Variants in ARHGEF9 observed in about 807,000 individuals in gnomAD.
The protein encoded by ARHGEF9 is rho guanine nucleotide exchange factor 9.
Under a neutral mutation model 41.3 loss-of-function variants are expected in ARHGEF9, and 2 were observed. The observed-to-expected ratio is 0.05, with a 90% CI of 0.02 to 0.15. The LOEUF (loss-of-function observed/expected upper bound fraction) is 0.15, where lower values mean the gene tolerates loss of function less well. Ranked by LOEUF, ARHGEF9 falls within the 10% of genes least tolerant of loss-of-function variation. The probability of loss-of-function intolerance (pLI) is 1.00; values close to 1 mark genes in which losing one functional copy is unlikely to be tolerated. For missense variants in ARHGEF9, 225 were observed against 424.7 expected, an observed-to-expected ratio of 0.53 and a Z score of 4.13; for synonymous variants, 160 against 154.4, an observed-to-expected ratio of 1.04 and a Z score of -0.27.
intron 1 of ARHGEF9, among the ~76,000 whole-genome samples, chrX:63,738,222 A>G (rs1315557846): frequency 1.8e-5 from 2 of 111,893 alleles, no homozygotes; most frequent in Non-Finnish European, 3.8e-5. Flanking sequence ...TGTGTTGTAT[A>G]TTACCATAAA....
In ARHGEF9 at chrX:63,637,648, G is replaced by A; in HGVS notation, c.*380C>T. 4.9e-6 allele frequency: 1 copy of A among 202,301 alleles called. No individual in the cohort carries two copies. Among genetic ancestry groups the A allele is most frequent in the South Asian group, 2.4e-4 (1 of 4,160 alleles). The allele number at this position is 202,301 out of a possible 1,213,427, so 16.7% of individuals were successfully genotyped here. ...TGACAAGGCAGTGAATCACTCACAGGGGAGTAAAGAGATTATCTTAACAAG... is the reference window on the plus strand; with the variant it reads ...TGACAAGGCAGTGAATCACTCACAGAGGAGTAAAGAGATTATCTTAACAAG... On this transcript the variant is annotated 3_prime_UTR_variant, in exon 10 of 10. Coordinates refer to ENST00000671741, the MANE Select transcript of ARHGEF9 (RefSeq NM_001353921.2).
chrX:63,698,897 G>C (rs1279776728), intron 3 of ARHGEF9, among the ~76,000 whole-genome samples: 1 of 111,976 alleles, frequency 8.9e-6, no homozygotes, highest in Non-Finnish European at 1.9e-5. Flanking sequence ...TTTTGATCAG[G>C]AAGAAAATTC....
chrX:63,649,848 G>C (rs1318337816), intron 8 of ARHGEF9, among the ~76,000 whole-genome samples: 1 of 111,552 alleles, frequency 9.0e-6, no homozygotes, highest in African/African-American at 3.2e-5. Flanking sequence ...AGAAGAAATG[G>C]ACAAATTCCT....
chrX:63,639,471 C>A (rs2047488632), intron 9 of ARHGEF9: 1 of 111,720 alleles, frequency 9.0e-6, no homozygotes, highest in Non-Finnish European at 1.9e-5. Context: ...CCAATGGTAA[C>A]ATTTTGCAAA....
At chrX:63,724,393 G>T in intron 2 of ARHGEF9, 139 bp downstream of exon 2, 1 of 661,993 alleles carries the variant, frequency 1.5e-6, no homozygotes, top group Non-Finnish European at 2.3e-6. Flanking sequence ...TTCTCTGTAT[G>T]AGACAATTTT....
intron 3 of ARHGEF9, among the ~76,000 whole-genome samples, chrX:63,697,889 A>G (rs1556390540): frequency 9.0e-6 from 1 of 111,489 alleles, no homozygotes; most frequent in African/African-American, 3.3e-5. Context: ...TACACATACA[A>G]TATTTTCTTA....
intron 7 of ARHGEF9, among the ~76,000 whole-genome samples, chrX:63,663,882 A>T (rs1460044985): frequency 8.9e-6 from 1 of 112,454 alleles, no homozygotes; most frequent in Non-Finnish European, 1.9e-5. Flanking sequence ...TGGCCTTTGA[A>T]CAATTAGGCT....
At position 63,717,833 on chromosome X, in the gene ARHGEF9, C is replaced by A. The variant is rs2053406457; in HGVS notation, c.210+6699G>T. 2.7e-5 allele frequency among the ~76,000 whole-genome samples: 3 copies of A among 111,656 alleles called. No individual in the cohort carries two copies. The Admixed American group carries it at 2.8e-4, about 11-fold the overall frequency. Reference sequence around the variant, plus strand: ...TATCCTCAATTTAATGATGAGATCACTGAAGCATACAATGGCCACTTTGCT... The same window carrying A: ...TATCCTCAATTTAATGATGAGATCAATGAAGCATACAATGGCCACTTTGCT... On this transcript the variant is annotated intron_variant, in intron 2 of 9. Transcript: ENST00000671741.
intron 1 of ARHGEF9, among the ~76,000 whole-genome samples, chrX:63,759,595 G>C (rs2055997879): frequency 8.9e-6 from 1 of 112,080 alleles, no homozygotes; most frequent in Non-Finnish European, 1.9e-5. Flanking sequence ...CACTCCATGA[G>C]AGGGTCTGGG....
chrX:63,656,765 G>A (rs1317758401), intron 7 of ARHGEF9: 2 of 111,712 alleles, frequency 1.8e-5, no homozygotes, highest in Non-Finnish European at 3.8e-5. Flanking sequence ...GTACAGAGCA[G>A]AAAACGGGGA....
intron 2 of ARHGEF9, among the ~76,000 whole-genome samples, chrX:63,713,648 T>A: frequency 9.2e-6 from 1 of 108,295 alleles, no homozygotes; most frequent in Non-Finnish European, 1.9e-5. Context: ...CAAAGGTGAA[T>A]GTGAGGGACT....
Position 63,648,314 on chromosome X carries a change from T to G in ARHGEF9, c.1322-4266A>C, listed in dbSNP as rs782765257. Among the ~76,000 whole-genome samples, 192 of 110,270 alleles carry G rather than the reference T, an allele frequency of 1.7e-3. 1 individual carries two copies. The highest frequency in any genetic ancestry group is 4.9e-3 in the African/African-American group (149 of 30,483). On this transcript the variant is annotated intron_variant, in intron 8 of 9. Transcript: ENST00000671741. ...CAATATTGAACATTCTTAAAGAAAA[T>G]AATTTTCAACCCAGAATTTCATATC...
intron 7 of ARHGEF9, among the ~76,000 whole-genome samples, chrX:63,659,806 G>T (rs1212671526): frequency 2.7e-4 from 30 of 111,480 alleles, no homozygotes; most frequent in African/African-American, 9.8e-4. Context: ...ACCATGTACT[G>T]TCCTAAATGC....
chrX:63,681,534 A>T (rs782224098), intron 4 of ARHGEF9, among the ~76,000 whole-genome samples: 3 of 111,845 alleles, frequency 2.7e-5, no homozygotes, highest in Non-Finnish European at 1.9e-5. Flanking sequence ...AAGGGAAATT[A>T]AAAAATATCT....
At chrX:63,651,697 C>T (rs1556328996) in intron 8 of ARHGEF9, among the ~76,000 whole-genome samples, 12 of 110,613 alleles carry the variant, frequency 1.1e-4, no homozygotes, top group Admixed American at 1.1e-3. Context: ...ATAATAGATA[C>T]ATTTTTCAAA....
intron 7 of ARHGEF9, among the ~76,000 whole-genome samples, chrX:63,661,772 C>T (rs1233816734): frequency 3.6e-5 from 4 of 111,352 alleles, no homozygotes; most frequent in Non-Finnish European, 7.5e-5. Context: ...CTCTCTCTCT[C>T]TCTCTCTCTC....
intron 1 of ARHGEF9, among the ~76,000 whole-genome samples, chrX:63,764,162 A>C (rs1202562484): frequency 4.4e-5 from 5 of 112,788 alleles, no homozygotes; most frequent in Non-Finnish European, 7.5e-5. Context: ...GGCAAAGGAC[A>C]TGAACAGACA....
At chrX:63,781,169 G>T (rs2056373643) in intron 1 of ARHGEF9, among the ~76,000 whole-genome samples, 1 of 111,473 alleles carries the variant, frequency 9.0e-6, no homozygotes, top group Non-Finnish European at 1.9e-5. Flanking sequence ...AAAATGTATT[G>T]TTTTCCTCGG....
chrX:63,694,962 C>T (rs1320236824), intron 4 of ARHGEF9, among the ~76,000 whole-genome samples: 1 of 112,445 alleles, frequency 8.9e-6, no homozygotes, highest in African/African-American at 3.2e-5. Context: ...AGAGATAACA[C>T]ACAGTGTTTA....
Sources: gnomAD v4.1 joint callset for allele counts (sites outside exome capture counted in the v4.1 genomes callset) on GRCh38, gnomAD v4.1.1 for gene constraint, MANE v1.5 for transcripts, NCBI Gene and HGNC (gene_info 2026-07-23, HGNC 2026-07-21) for gene names.